Variants in HEMK2 observed in about 807,000 individuals in gnomAD.
The protein encoded by HEMK2 is methyltransferase HEMK2.
At chr21:28,658,560 T>C in the HEMK2 span, among the ~76,000 whole-genome samples, 2 of 152,140 alleles carry the variant, frequency 1.3e-5, no homozygotes, top group African/African-American at 2.4e-5. Flanking sequence ...GGTTGTAATC[T>C]GGTCCTGCTA....
At chr21:28,780,953 C>A in the HEMK2 span, among the ~76,000 whole-genome samples, 6,650 of 152,248 alleles carry the variant, frequency 0.044, 173 homozygotes, top group Middle Eastern at 0.099. Flanking sequence ...CTACACTTAT[C>A]CTGCAGTGAA....
the HEMK2 span, among the ~76,000 whole-genome samples, chr21:28,705,200 A>G: frequency 1.3e-5 from 2 of 152,124 alleles, no homozygotes; most frequent in Admixed American, 6.5e-5. Flanking sequence ...CAAAATATTA[A>G]CAAATATTTT....
chr21:28,635,392 A>G, the HEMK2 span, among the ~76,000 whole-genome samples: 1 of 152,148 alleles, frequency 6.6e-6, no homozygotes, highest in African/African-American at 2.4e-5. Flanking sequence ...ATCCTCATCT[A>G]TTAAGTAATA....
the HEMK2 span, among the ~76,000 whole-genome samples, chr21:28,768,043 C>T: frequency 3.3e-5 from 5 of 151,968 alleles, no homozygotes; most frequent in South Asian, 2.1e-4. Context: ...ATCAGGGTGT[C>T]GGGAAAGTGT....
chr21:28,861,319 T>G, the HEMK2 span, among the ~76,000 whole-genome samples: 271 of 152,328 alleles, frequency 1.8e-3, 4 homozygotes, highest in African/African-American at 5.9e-3. Flanking sequence ...ATCAGAATAG[T>G]CTGACTCATG....
the HEMK2 span, among the ~76,000 whole-genome samples, chr21:28,739,921 T>C: frequency 6.6e-6 from 1 of 152,210 alleles, no homozygotes; most frequent in Admixed American, 6.5e-5. Context: ...AAGACCTCTA[T>C]GGAGCATGAG....
At chr21:28,703,803 T>C in the HEMK2 span, among the ~76,000 whole-genome samples, 1 of 152,242 alleles carries the variant, frequency 6.6e-6, no homozygotes, top group South Asian at 2.1e-4. Context: ...GTAAAATTTA[T>C]TGGATGCTCT....
chr21:28,597,709 TAGG>T, the HEMK2 span, among the ~76,000 whole-genome samples: 6 of 152,334 alleles, frequency 3.9e-5, no homozygotes, highest in African/African-American at 1.4e-4. Flanking sequence ...GAAGTACTTT[TAGG>T]ATGAGAGACC....
At chr21:28,590,366 T>G in the HEMK2 span, among the ~76,000 whole-genome samples, 1 of 152,106 alleles carries the variant, frequency 6.6e-6, no homozygotes, top group Non-Finnish European at 1.5e-5. Context: ...AACAGAAAGA[T>G]GAACCATTGA....
the HEMK2 span, among the ~76,000 whole-genome samples, chr21:28,620,624 AT>A: frequency 1.1e-5 from 1 of 93,916 alleles, no homozygotes; most frequent in Non-Finnish European, 2.3e-5. Flanking sequence ...TCCCTTTATC[AT>A]TTTTTATTGT....
the HEMK2 span, among the ~76,000 whole-genome samples, chr21:28,727,449 G>A: frequency 6.6e-6 from 1 of 152,202 alleles, no homozygotes; most frequent in Non-Finnish European, 1.5e-5. Flanking sequence ...GCAGCTGCCT[G>A]GAAAGGAGGG....
At chr21:28,837,062 T>C in the HEMK2 span, among the ~76,000 whole-genome samples, 10,823 of 152,140 alleles carry the variant, frequency 0.071, 876 homozygotes, top group African/African-American at 0.19. Flanking sequence ...CTAATAGACC[T>C]AAGAAATGAG....
chr21:28,804,696 T>C, the HEMK2 span, among the ~76,000 whole-genome samples: 2 of 152,254 alleles, frequency 1.3e-5, no homozygotes, highest in Non-Finnish European at 2.9e-5. Context: ...GGTAGGCTGA[T>C]GGATCATAAA....
chr21:28,787,513 TA>T, the HEMK2 span, among the ~76,000 whole-genome samples: 55,365 of 150,798 alleles, frequency 0.37, 10,336 homozygotes, highest in Middle Eastern at 0.46. Context: ...AACAAATCAG[TA>T]AAAAAAAAGA....
chr21:28,847,022 C>T, the HEMK2 span, among the ~76,000 whole-genome samples: 3 of 152,064 alleles, frequency 2.0e-5, no homozygotes, highest in African/African-American at 7.2e-5. Flanking sequence ...ATATTTTCTT[C>T]ATCAGCTCCA....
chr21:28,855,288 A>AT, the HEMK2 span, among the ~76,000 whole-genome samples: 1 of 152,226 alleles, frequency 6.6e-6, no homozygotes, highest in Admixed American at 6.5e-5. Context: ...AGGGTAAAGG[A>AT]TTGAAGTCAA....
At chr21:28,717,021 A>C in the HEMK2 span, among the ~76,000 whole-genome samples, 1 of 152,144 alleles carries the variant, frequency 6.6e-6, no homozygotes, top group Non-Finnish European at 1.5e-5. Context: ...TCAGCTTGCT[A>C]GTATTTTGTT....
the HEMK2 span, chr21:28,674,907 AAG>A: frequency 6.6e-6 from 1 of 152,248 alleles, no homozygotes; most frequent in Admixed American, 6.5e-5. Context: ...CCACCCATGA[AAG>A]TGGAGTCCTC....
At chr21:28,883,490 T>C in the HEMK2 span, among the ~76,000 whole-genome samples, 2 of 152,186 alleles carry the variant, frequency 1.3e-5, no homozygotes, top group African/African-American at 4.8e-5. Context: ...AGTTCCTCTA[T>C]CATTTTTAAT....
Sources: allele counts gnomAD v4.1 joint callset (sites outside exome capture counted in the v4.1 genomes callset), GRCh38; gene constraint gnomAD v4.1.1; transcripts MANE v1.5; gene names NCBI Gene and HGNC (gene_info 2026-07-23, HGNC 2026-07-21).